Variants in DBN1 observed in about 807,000 individuals in gnomAD.
The protein encoded by DBN1 is drebrin 1.
Under a neutral mutation model 83.5 loss-of-function variants are expected in DBN1, and 21 were observed. The ratio of observed to expected loss-of-function variants is 0.25; its 90% confidence interval spans 0.18 to 0.36. The LOEUF (loss-of-function observed/expected upper bound fraction) is 0.36. Among genes scored for constraint, DBN1 ranks in the 10% least tolerant of loss-of-function variants. DBN1 has a pLI of 1.00. For missense variants in DBN1, 874 were observed against 935.7 expected, an observed-to-expected ratio of 0.93 and a Z score of 0.86; for synonymous variants, 381 against 384.9, an observed-to-expected ratio of 0.99 and a Z score of 0.12.
In DBN1 at chr5:177,458,100, G is replaced by A. The variant is rs1378968048; in HGVS notation, c.1872C>T (p.His624=). The A allele has an allele frequency of 1.2e-6, 2 of 1,613,704 alleles. No individual in the cohort carries two copies. The highest frequency in any genetic ancestry group is 1.3e-5 in the African/African-American group (1 of 74,926). Residue 624 remains histidine, a synonymous_variant, in exon 13 of 15, where the codon CAC becomes CAT. Transcript: ENST00000393565. ...GGGTGGTCTCGCCATTGGTTAGCAG[G>A]TGGGGCTCCGGCTCCTGCTCTTGCT... ...ELEQEQEPEP[H]LLTNGETTQK...
In DBN1 at chr5:177,473,533, G is replaced by C. The variant is rs947015062; in HGVS notation, c.-12C>G. ...CTGACGCCGGCCATGCTTCGGGCCG[G>C]ACCGGGCCGAACGGACAGACGCGCG... On this transcript the variant is annotated 5_prime_UTR_variant, in exon 1 of 15. Transcript: ENST00000393565. 7.2e-7 allele frequency: 1 copy of C among 1,393,032 alleles called. No individual in the cohort carries two copies. Among genetic ancestry groups the C allele is most frequent in the Non-Finnish European group, 9.4e-7 (1 of 1,063,046 alleles). 86.3% of individuals were successfully genotyped at this position (1,393,032 alleles called of 1,614,324 possible).
chr5:177,471,758 G>GAAT (rs757118600), intron 1 of DBN1, among the ~76,000 whole-genome samples: 3 of 152,220 alleles, frequency 2.0e-5, no homozygotes, highest in Non-Finnish European at 4.4e-5. Flanking sequence ...CACCAGTGAT[G>GAAT]AATAACTCGC....
chr5:177,468,426 G>A lies in DBN1; in HGVS notation c.143-206C>T, dbSNP rs531384899. Reference sequence around the variant, plus strand: ...TGTAGCTTTGCCTGTGACTCCTGCAGGGCCTGATTTGGGGGTAGGACTGAG... The same window carrying A: ...TGTAGCTTTGCCTGTGACTCCTGCAAGGCCTGATTTGGGGGTAGGACTGAG... On this transcript the variant is annotated intron_variant, in intron 2 of 14. Coordinates refer to ENST00000393565, the MANE Select transcript of DBN1 (RefSeq NM_001363541.2). The A allele has an allele frequency of 7.4e-5, 44 of 595,638 alleles. No homozygotes were observed. The East Asian group carries it at 1.2e-3, about 16-fold the overall frequency. The allele number at this position is 595,638 out of a possible 1,614,324, so 36.9% of individuals were successfully genotyped here.
intron 8 of DBN1, among the ~76,000 whole-genome samples, chr5:177,461,094 CTTTTTTT>C (rs1212164434): frequency 2.2e-5 from 2 of 90,692 alleles, no homozygotes; most frequent in Non-Finnish European, 2.1e-5. Context: ...TTCTGGCCTT[CTTTTTTT>C]TTTTTTTTTT....
At chr5:177,463,142 T>TTC (rs1161617671) in intron 8 of DBN1, among the ~76,000 whole-genome samples, 3 of 152,114 alleles carry the variant, frequency 2.0e-5, no homozygotes, top group Non-Finnish European at 4.4e-5. Flanking sequence ...GTTCACGCCA[T>TTC]TCTCCTGCCT....
At chr5:177,473,213 C>T in intron 1 of DBN1, 1 of 169,166 alleles carries the variant, frequency 5.9e-6, no homozygotes, top group Non-Finnish European at 1.2e-5. Flanking sequence ...CCACCGCGCG[C>T]CTTGGGCCGC....
At chr5:177,470,559 CCA>C (rs1484035260) in intron 1 of DBN1, among the ~76,000 whole-genome samples, 1 of 152,196 alleles carries the variant, frequency 6.6e-6, no homozygotes, top group Non-Finnish European at 1.5e-5. Context: ...CCTGTCCACA[CCA>C]CACACTTGGG....
chr5:177,467,652 C>T lies in DBN1; in HGVS notation c.331-25G>A. 1 of 1,565,202 alleles carries T rather than the reference C, an allele frequency of 6.4e-7. No individual in the cohort carries two copies. The highest frequency in any genetic ancestry group is 8.7e-7 in the Non-Finnish European group (1 of 1,154,882). On this transcript the variant is annotated intron_variant, in intron 4 of 14. Transcript: ENST00000393565. The surrounding 1 kb of genome is among the most constrained non-coding windows in gnomAD (Gnocchi z 9.1). ...CCTTCCGCAAGAAGACGGCAGTGCT[C>T]AGGCGGCACCATCCTCCCGCCATCC...
At position 177,457,697 on chromosome 5, in the gene DBN1, A is replaced by G; in HGVS notation, c.1975T>C (p.Cys659Arg). The G allele has an allele frequency of 1.9e-6, 3 of 1,612,098 alleles. No individual in the cohort carries two copies. Among genetic ancestry groups the G allele is most frequent in the Non-Finnish European group, 2.5e-6 (3 of 1,178,348 alleles). Residue 659 changes from cysteine to arginine, a missense_variant, in exon 14 of 15, where the codon TGT becomes CGT. Physicochemically the swap from Cys to Arg is radical, Grantham distance 180. Transcript: ENST00000393565. ...AACACAGGAGGCGGAGCCTTGGCAC[A>G]GAGCTCTTCCGATTGGGCAAACTCC... ...EEEFAQSEEL[C>R]AKAPPPVFYN...
rs747058427 is a variant in DBN1 at position 177,467,857 on chromosome 5, AG to A, written c.256-41del. ...GCAAAGAGGGGGTCAGGAAAGGACA[AG>A]GGGGGCCCTACACGATAGGGTGCAT... is the stretch of plus-strand genomic sequence containing the variant. On this transcript the variant is annotated intron_variant, in intron 3 of 14. Transcript: ENST00000393565. The surrounding 1 kb of genome is among the most constrained non-coding windows in gnomAD (Gnocchi z 9.1). 3.8e-6 allele frequency: 6 copies of A among 1,581,160 alleles called. No homozygotes were observed. Among genetic ancestry groups the A allele is most frequent in the African/African-American group, 2.7e-5 (2 of 73,868 alleles).
chr5:177,464,645 A>ATAAG (rs1216689452), intron 8 of DBN1, among the ~76,000 whole-genome samples: 1 of 135,266 alleles, frequency 7.4e-6, no homozygotes, highest in Non-Finnish European at 1.6e-5. Flanking sequence ...AAATAAATAA[A>ATAAG]TAATAAACTT....
At chr5:177,460,583 TG>T (rs776207752) in intron 9 of DBN1, 28 bp from the exon 10 acceptor site, 2 of 1,614,164 alleles carry the variant, frequency 1.2e-6, no homozygotes, top group South Asian at 2.2e-5. Flanking sequence ...AGGTTGGGGC[TG>T]GGCCAGGCAA....
At chr5:177,462,110 G>T in intron 8 of DBN1, 2 of 563,338 alleles carry the variant, frequency 3.6e-6, no homozygotes, top group Non-Finnish European at 4.5e-6. Context: ...CCTGCCCACT[G>T]CACACGTTGT....
In DBN1 at chr5:177,468,880, C is replaced by T; in HGVS notation, c.106G>A (p.Asp36Asn). ...GCAAGCTTGAGGTCATCGGAGCCAT[C>T]TTCATATGTGTACAGAGCCCTGGGG... ...AADWALYTYEDGSDDLKLAAS... is the reference protein window; with the variant it reads ...AADWALYTYENGSDDLKLAAS... The change falls in exon 2 of 15, where the codon GAT becomes AAT. Residue 36 changes from aspartate (D) to asparagine (N), a missense_variant. Asp to Asn is a conservative substitution (Grantham distance 23, BLOSUM62 1). Transcript: ENST00000393565. The T allele has an allele frequency of 7.6e-7, 1 of 1,320,568 alleles. No homozygotes were observed. Among genetic ancestry groups the T allele is most frequent in the Non-Finnish European group, 9.7e-7 (1 of 1,026,032 alleles). The allele number at this position is 1,320,568 out of a possible 1,614,324, so 81.8% of individuals were successfully genotyped here.
At chr5:177,458,743 C>T (rs1345942564) in intron 12 of DBN1, 36 bp from the exon 13 acceptor site, 2 of 1,464,048 alleles carry the variant, frequency 1.4e-6, no homozygotes, top group Admixed American at 5.2e-5. Context: ...ATGTAACCGG[C>T]TCCCCTCGGG....
At chr5:177,472,541 G>A (rs2127405538) in intron 1 of DBN1, 2 of 660,162 alleles carry the variant, frequency 3.0e-6, no homozygotes, top group Admixed American at 5.3e-5. Flanking sequence ...GGAGACAACA[G>A]CTGGGGGGCG....
At position 177,466,979 on chromosome 5, in the gene DBN1, C is replaced by T. The variant is rs771014271; in HGVS notation, c.639G>A (p.Gln213=). The change falls in exon 7 of 15, where the codon CAG becomes CAA. Residue 213 remains glutamine, a synonymous_variant. Coordinates refer to ENST00000393565, the MANE Select transcript of DBN1 (RefSeq NM_001363541.2). The surrounding 1 kb of genome is among the most constrained non-coding windows in gnomAD (Gnocchi z 4.8). ...RLRFEQERME[Q]ERQEQEERER... is the part of the protein sequence containing the mutation. ...CGCGCTCCTCTTGCTCCTGCCGCTC[C>T]TGCTCCATCCGCTCCTGCTCGAACC... 1.9e-6 allele frequency: 3 copies of T among 1,613,342 alleles called. No homozygotes were observed. The highest frequency in any genetic ancestry group is 2.5e-6 in the Non-Finnish European group (3 of 1,179,896).
chr5:177,468,978 A>T, intron 1 of DBN1, 79 bp from the exon 2 acceptor site: 1 of 882,578 alleles, frequency 1.1e-6, no homozygotes, highest in African/African-American at 1.7e-5. Flanking sequence ...CTGGGGAGGG[A>T]GAGGGACATG....
At chr5:177,468,248 TC>T (rs1294381777) in intron 2 of DBN1, 28 bp from the exon 3 acceptor site, 2 of 1,591,486 alleles carry the variant, frequency 1.3e-6, no homozygotes, top group Non-Finnish European at 8.6e-7. Context: ...GTGTCAGGTC[TC>T]TCTGCCTCCT....
Sources: allele counts gnomAD v4.1 joint callset (sites outside exome capture counted in the v4.1 genomes callset), GRCh38; gene constraint gnomAD v4.1.1; non-coding constraint Gnocchi (gnomAD v3.1); transcripts MANE v1.5; gene names NCBI Gene and HGNC (gene_info 2026-07-23, HGNC 2026-07-21).